Variants in GTF2IRD1 observed in about 807,000 individuals in gnomAD.
GTF2IRD1 encodes the protein general transcription factor II-I repeat domain-containing protein 1.
GTF2IRD1 carries 26 observed loss-of-function variants against 113.2 expected under a neutral mutation model. The observed-to-expected ratio is 0.23, with a 90% confidence interval of 0.17 to 0.32. The LOEUF is 0.32. Among genes scored for constraint, GTF2IRD1 ranks in the 10% least tolerant of loss-of-function variants. GTF2IRD1 has a pLI of 1.00. For synonymous variants in GTF2IRD1, 484 were observed against 529.1 expected, an observed-to-expected ratio of 0.91 and a Z score of 1.17; for missense variants, 864 against 1,280.8, an observed-to-expected ratio of 0.67 and a Z score of 4.97.
At chr7:74,572,454 A>G (rs1800751249) in intron 22 of GTF2IRD1, 2 of 286,026 alleles carry the variant, frequency 7.0e-6, no homozygotes, top group African/African-American at 2.3e-5. Flanking sequence ...CTGATCTTGG[A>G]TAAGTTAACT....
At chr7:74,505,579 C>T (rs1399761328) in intron 1 of GTF2IRD1, among the ~76,000 whole-genome samples, 1 of 152,236 alleles carries the variant, frequency 6.6e-6, no homozygotes, top group African/African-American at 2.4e-5. Context: ...CGGCCGCTGT[C>T]TGGGGCAGCC....
chr7:74,532,888 C>G (rs1798055026), intron 9 of GTF2IRD1, among the ~76,000 whole-genome samples: 1 of 152,168 alleles, frequency 6.6e-6, no homozygotes. Context: ...TACATTCCCC[C>G]TAGAGCCCAA....
intron 1 of GTF2IRD1, among the ~76,000 whole-genome samples, chr7:74,478,977 G>A (rs1030579977): frequency 2.0e-5 from 3 of 151,622 alleles, no homozygotes; most frequent in Non-Finnish European, 2.9e-5. Context: ...TCAAACTCCT[G>A]GGATCAGAAA....
chr7:74,510,433 A>G (rs528162532), intron 2 of GTF2IRD1, among the ~76,000 whole-genome samples: 97 of 150,484 alleles, frequency 6.4e-4, no homozygotes, highest in Admixed American at 2.5e-3. Context: ...CAGCCTCTGG[A>G]GTAGCTGGGA....
At chr7:74,538,890 G>A (rs1798466010) in intron 13 of GTF2IRD1, 130 bp downstream of exon 13, 1 of 626,266 alleles carries the variant, frequency 1.6e-6, no homozygotes, top group African/African-American at 1.8e-5. Flanking sequence ...GAGCCATCGG[G>A]GTACTGTGAA....
intron 25 of GTF2IRD1, among the ~76,000 whole-genome samples, chr7:74,595,406 G>GAAA (rs1278467469): frequency 7.9e-6 from 1 of 126,142 alleles, no homozygotes; most frequent in South Asian, 2.4e-4. Context: ...ACTCCATCTC[G>GAAA]AAAAAAAGAA....
At position 74,545,933 on chromosome 7, in the gene GTF2IRD1, A is replaced by G. The variant is rs1453760775; in HGVS notation, c.1732+124A>G. 3.1e-5 allele frequency: 23 copies of G among 748,610 alleles called. No homozygotes were observed. In the Middle Eastern group the frequency reaches 6.8e-4, roughly 22 times the overall value. The allele number at this position is 748,610 out of a possible 1,614,324, so 46.4% of individuals were successfully genotyped here. ...TCCCAGCTGTTCTCTGGGCAGGGAC[A>G]AGGGAGAGAGGGAAGGGAGGAGCTG... On this transcript the variant is annotated intron_variant, in intron 16 of 26. Transcript: ENST00000424337.
intron 17 of GTF2IRD1, 49 bp downstream of exon 17, chr7:74,547,335 C>G: frequency 6.9e-7 from 1 of 1,446,894 alleles, no homozygotes; most frequent in South Asian, 1.2e-5. Flanking sequence ...CTGCTCAGCA[C>G]CAAGGGGCAG....
chr7:74,562,028 C>A (rs1554359219), intron 22 of GTF2IRD1, among the ~76,000 whole-genome samples: 1 of 152,222 alleles, frequency 6.6e-6, no homozygotes, highest in Non-Finnish European at 1.5e-5. Flanking sequence ...GGTATCCACA[C>A]TTACTCATGC....
At chr7:74,579,623 A>G (rs1356406909) in intron 22 of GTF2IRD1, among the ~76,000 whole-genome samples, 2 of 150,664 alleles carry the variant, frequency 1.3e-5, no homozygotes, top group African/African-American at 4.9e-5. Context: ...ATCTTAAGAA[A>G]AAAAAAAAAA....
chr7:74,592,209 C>T (rs1157938693), intron 24 of GTF2IRD1, among the ~76,000 whole-genome samples: 3 of 152,098 alleles, frequency 2.0e-5, no homozygotes, highest in South Asian at 2.1e-4. Flanking sequence ...AAGCAATTCT[C>T]CTGTCTCAGT....
intron 16 of GTF2IRD1, among the ~76,000 whole-genome samples, chr7:74,546,011 GCTCA>G (rs1383117125): frequency 1.3e-5 from 2 of 151,988 alleles, no homozygotes; most frequent in African/African-American, 4.8e-5. Context: ...AGGCTCCCTG[GCTCA>G]CTCACTCACA....
At chr7:74,593,590 G>A (rs1296708637) in intron 24 of GTF2IRD1, among the ~76,000 whole-genome samples, 2 of 151,592 alleles carry the variant, frequency 1.3e-5, no homozygotes, top group Non-Finnish European at 2.9e-5. Context: ...AAAACTAGCC[G>A]GGCGTGGCGC....
chr7:74,508,285 CTCG>C, intron 2 of GTF2IRD1, 82 bp downstream of exon 2: 2 of 1,456,980 alleles, frequency 1.4e-6, no homozygotes, highest in Non-Finnish European at 1.9e-6. Flanking sequence ...ACCTCAGCTA[CTCG>C]AAGGAGCTTT....
chr7:74,453,940 A>C lies in GTF2IRD1; in HGVS notation c.-243A>C. 1 of 134,638 alleles carries C rather than the reference A, an allele frequency of 7.4e-6. No homozygotes were observed. Among genetic ancestry groups the C allele is most frequent in the African/African-American group, 2.8e-5 (1 of 35,932 alleles). The allele number at this position is 134,638 out of a possible 1,614,324, so 8.3% of individuals were successfully genotyped here. On this transcript the variant is annotated 5_prime_UTR_variant, in exon 1 of 27. Coordinates refer to ENST00000424337, the MANE Select transcript of GTF2IRD1 (RefSeq NM_005685.4). ...CCCGCGCCGCCCCGCCCTCCGCCGC[A>C]GCCCGCGCCGGGGGTGGGGGCCGCC...
At chr7:74,459,214 C>G (rs1226268723) in intron 1 of GTF2IRD1, among the ~76,000 whole-genome samples, 1 of 152,072 alleles carries the variant, frequency 6.6e-6, no homozygotes, top group East Asian at 1.9e-4. Flanking sequence ...GCACTTTGCA[C>G]TTCGGGAGAC....
chr7:74,513,260 T>G (rs782584909), intron 3 of GTF2IRD1, among the ~76,000 whole-genome samples: 1 of 152,214 alleles, frequency 6.6e-6, no homozygotes, highest in African/African-American at 2.4e-5. Flanking sequence ...TCCTCTTAAC[T>G]ATGTATTCCT....
chr7:74,571,244 G>A lies in GTF2IRD1; in HGVS notation c.2320+11589G>A, dbSNP rs1323302933. ...AAATGAGAAGAATTGCCCACGCCAC[G>A]TCTGCCTCCCCTGGGGCCACCCTGG... is the stretch of plus-strand genomic sequence containing the variant. On this transcript the variant is annotated intron_variant, in intron 22 of 26. Coordinates refer to ENST00000424337, the MANE Select transcript of GTF2IRD1 (RefSeq NM_005685.4). 17 of 391,916 alleles carry A rather than the reference G, an allele frequency of 4.3e-5. No homozygotes were observed. In the East Asian group the frequency reaches 6.5e-4, roughly 15 times the overall value. The allele number at this position is 391,916 out of a possible 1,614,324, so 24.3% of individuals were successfully genotyped here. A position where few individuals can be genotyped will look rare whatever the true frequency, so the allele number is the denominator to read the frequency against.
chr7:74,571,865 A>AC (rs1554362784), intron 22 of GTF2IRD1, among the ~76,000 whole-genome samples: 1 of 152,046 alleles, frequency 6.6e-6, no homozygotes. Context: ...TGTCTCAAAA[A>AC]AAAAAAATTA....
Sources: allele counts gnomAD v4.1 joint callset (sites outside exome capture counted in the v4.1 genomes callset), GRCh38; gene constraint gnomAD v4.1.1; transcripts MANE v1.5; gene names NCBI Gene and HGNC (gene_info 2026-07-23, HGNC 2026-07-21).